Variants in MDGA2 observed in about 807,000 individuals in gnomAD.
MDGA2 encodes the protein MAM domain-containing glycosylphosphatidylinositol anchor protein 2.
A neutral mutation model predicts 117.8 loss-of-function variants in MDGA2; 40 were observed. That is an observed-to-expected ratio of 0.34 (90% CI 0.26 to 0.44). MDGA2 has a LOEUF of 0.44. Among genes scored for constraint, MDGA2 ranks in the 20% least tolerant of loss-of-function variants. The pLI is 1.00. For missense variants in MDGA2, 1,123 were observed against 1,250.6 expected, an observed-to-expected ratio of 0.90 and a Z score of 1.54; for synonymous variants, 452 against 439.0, an observed-to-expected ratio of 1.03 and a Z score of -0.37.
chr14:47,488,671 G>T (rs1470265640), intron 1 of MDGA2, among the ~76,000 whole-genome samples: 2 of 152,100 alleles, frequency 1.3e-5, no homozygotes, highest in African/African-American at 2.4e-5. Context: ...GTTTATTAGA[G>T]ATTTATAAGT....
chr14:47,346,210 T>A (rs1417145095), intron 1 of MDGA2, among the ~76,000 whole-genome samples: 1 of 152,090 alleles, frequency 6.6e-6, no homozygotes, highest in South Asian at 2.1e-4. Flanking sequence ...TGTACAATGA[T>A]TATGTCAATT....
chr14:46,859,047 C>A (rs1046943776), intron 14 of MDGA2, among the ~76,000 whole-genome samples: 12 of 152,118 alleles, frequency 7.9e-5, no homozygotes, highest in African/African-American at 2.9e-4. Context: ...GCCCTAAATT[C>A]TCTAACTTTA....
intron 5 of MDGA2, among the ~76,000 whole-genome samples, chr14:47,119,616 C>G (rs1048467750): frequency 6.6e-6 from 1 of 152,116 alleles, no homozygotes; most frequent in South Asian, 2.1e-4. Flanking sequence ...ACTAACATTA[C>G]GGCTTTCTTC....
chr14:47,569,465 T>C (rs533519383), intron 1 of MDGA2, among the ~76,000 whole-genome samples: 1 of 152,340 alleles, frequency 6.6e-6, no homozygotes, highest in Admixed American at 6.5e-5. Flanking sequence ...ACAGATTTTC[T>C]GTCTCTCATT....
intron 1 of MDGA2, among the ~76,000 whole-genome samples, chr14:47,582,289 A>G (rs919845006): frequency 6.6e-6 from 1 of 151,938 alleles, no homozygotes. Flanking sequence ...TGTCATGAAA[A>G]TGGACCTCTA....
intron 1 of MDGA2, among the ~76,000 whole-genome samples, chr14:47,613,657 T>C (rs1057054605): frequency 3.9e-5 from 6 of 152,160 alleles, no homozygotes; most frequent in Admixed American, 3.3e-4. Context: ...TATCTGCACA[T>C]ACATTTATAT....
chr14:47,251,641 G>T (rs1463793812), intron 2 of MDGA2, among the ~76,000 whole-genome samples: 1 of 152,020 alleles, frequency 6.6e-6, no homozygotes, highest in Non-Finnish European at 1.5e-5. Context: ...AATATCACTT[G>T]TTTGCTGTTT....
chr14:47,087,386 G>A (rs143298733), intron 6 of MDGA2, among the ~76,000 whole-genome samples: 55 of 149,212 alleles, frequency 3.7e-4, no homozygotes, highest in African/African-American at 1.3e-3. Context: ...GCATGGTGGC[G>A]GGTGCCTGTA....
At chr14:46,965,449 A>C (rs1457016003) in intron 8 of MDGA2, among the ~76,000 whole-genome samples, 4 of 152,210 alleles carry the variant, frequency 2.6e-5, no homozygotes, top group Non-Finnish European at 2.9e-5. Flanking sequence ...AGTTTAATAG[A>C]GTCTGAGTTG....
At chr14:47,409,661 T>A (rs142784055) in intron 1 of MDGA2, among the ~76,000 whole-genome samples, 1 of 152,266 alleles carries the variant, frequency 6.6e-6, no homozygotes, top group African/African-American at 2.4e-5. Flanking sequence ...TCAGGCCACT[T>A]CCCTCAGAAG....
At chr14:47,191,246 GA>G (rs572672232) in intron 3 of MDGA2, among the ~76,000 whole-genome samples, 208 of 151,592 alleles carry the variant, frequency 1.4e-3, no homozygotes, top group African/African-American at 4.6e-3. Flanking sequence ...GGAGACCCTA[GA>G]AACCTACCAT....
chr14:47,059,084 A>C, intron 7 of MDGA2: 1 of 1,026,386 alleles, frequency 9.7e-7, no homozygotes, highest in Non-Finnish European at 1.2e-6. Flanking sequence ...GGGCAGTAAG[A>C]GGCACAGCAA....
At chr14:47,582,884 T>A (rs1896254952) in intron 1 of MDGA2, among the ~76,000 whole-genome samples, 1 of 151,934 alleles carries the variant, frequency 6.6e-6, no homozygotes. Flanking sequence ...AACCTCTTTG[T>A]CAGGTTCAAC....
intron 1 of MDGA2, among the ~76,000 whole-genome samples, chr14:47,642,490 T>C (rs1388180895): frequency 6.6e-6 from 1 of 152,038 alleles, no homozygotes; most frequent in Admixed American, 6.5e-5. Context: ...TCCCACAGAT[T>C]ATCTATCAGA....
rs753486366 is a variant in MDGA2, at chr14:46,884,849, C to CTTTTTTTTTTTTTT, written c.2239-2629_2239-2628insAAAAAAAAAAAAAA. ...ATGATCTCAGGTAATACATTACTTT[C>CTTTTTTTTTTTTTT]TTTTTTGTTTTTTTTCTGAGACAGT... On this transcript the variant is annotated intron_variant, in intron 10 of 16. Transcript: ENST00000399232. The surrounding 1 kb of genome is among the most constrained non-coding windows in gnomAD (Gnocchi z 4.1). Among the ~76,000 whole-genome samples the CTTTTTTTTTTTTTT allele has an allele frequency of 6.8e-6, 1 of 146,036 alleles. No individual in the cohort carries two copies.
chr14:47,227,183 T>C (rs1362779248), intron 2 of MDGA2, among the ~76,000 whole-genome samples: 2 of 152,136 alleles, frequency 1.3e-5, no homozygotes, highest in African/African-American at 4.8e-5. Flanking sequence ...TCACTAGGAC[T>C]TTTTGTTTCT....
intron 2 of MDGA2, among the ~76,000 whole-genome samples, chr14:47,239,580 A>T (rs1269335345): frequency 6.6e-6 from 1 of 151,846 alleles, no homozygotes; most frequent in Non-Finnish European, 1.5e-5. Flanking sequence ...TTACTTCTTA[A>T]TATTTCAAGG....
At chr14:47,259,933 T>A (rs1887741306) in intron 2 of MDGA2, among the ~76,000 whole-genome samples, 1 of 152,108 alleles carries the variant, frequency 6.6e-6, no homozygotes, top group East Asian at 1.9e-4. Flanking sequence ...CGATCTAACA[T>A]CTAGGATATT....
At chr14:47,517,278 C>T (rs1284546960) in intron 1 of MDGA2, among the ~76,000 whole-genome samples, 3 of 151,992 alleles carry the variant, frequency 2.0e-5, no homozygotes, top group African/African-American at 7.2e-5. Flanking sequence ...AGAAGTCAAG[C>T]TTAAAACACC....
Sources: gnomAD v4.1 joint callset for allele counts (sites outside exome capture counted in the v4.1 genomes callset) on GRCh38, gnomAD v4.1.1 for gene constraint, Gnocchi (gnomAD v3.1) non-coding constraint, MANE v1.5 for transcripts, NCBI Gene and HGNC (gene_info 2026-07-23, HGNC 2026-07-21) for gene names.